Variants in MICAL3 observed in about 807,000 individuals in gnomAD.
MICAL3 encodes the protein [F-actin]-monooxygenase MICAL3.
MICAL3 carries 62 observed loss-of-function variants against 207.4 expected under a neutral mutation model. That is an observed-to-expected ratio of 0.30 (90% CI 0.24 to 0.37). The LOEUF (loss-of-function observed/expected upper bound fraction) is 0.37. MICAL3 is among the 10% of genes least tolerant of loss of function. The probability of loss-of-function intolerance (pLI) is 1.00; values close to 1 mark genes in which losing one functional copy is unlikely to be tolerated. For missense variants in MICAL3, 2,368 were observed against 2,635.6 expected, an observed-to-expected ratio of 0.90 and a Z score of 2.22; for synonymous variants, 1,077 against 1,069.3, an observed-to-expected ratio of 1.01 and a Z score of -0.14.
intron 19 of MICAL3, among the ~76,000 whole-genome samples, chr22:17,849,524 G>A (rs532031191): frequency 6.6e-6 from 1 of 151,386 alleles, no homozygotes; most frequent in Admixed American, 6.6e-5. Context: ...TTTTAGAAAC[G>A]GGGTCTTGCT....
chr22:17,841,790 C>CA lies in MICAL3; in HGVS notation c.2801+31_2801+32insT. 1 of 1,537,624 alleles carries CA rather than the reference C, an allele frequency of 6.5e-7. No individual in the cohort carries two copies. Among genetic ancestry groups the CA allele is most frequent in the Non-Finnish European group, 8.8e-7 (1 of 1,142,040 alleles). On this transcript the variant is annotated intron_variant, in intron 20 of 31. Coordinates refer to ENST00000441493, the MANE Select transcript of MICAL3 (RefSeq NM_015241.3). This position sits in a 1 kb window ranked among gnomAD's most constrained non-coding sequence, Gnocchi z 4.2. The stretch of plus-strand genomic sequence containing the variant: ...TGAGGAGGCTCTTAGGGCCGTGTGG[C>CA]GGGTGGGCGCCCTGCAGCCCTGCGT...
chr22:17,993,881 G>A (rs1218039695), intron 1 of MICAL3, among the ~76,000 whole-genome samples: 2 of 152,238 alleles, frequency 1.3e-5, no homozygotes, highest in Admixed American at 6.5e-5. Flanking sequence ...GCCCAAGTCA[G>A]TTGCCCTCAA....
At chr22:17,950,791 T>C (rs1934309826) in intron 1 of MICAL3, among the ~76,000 whole-genome samples, 1 of 152,020 alleles carries the variant, frequency 6.6e-6, no homozygotes, top group Non-Finnish European at 1.5e-5. Context: ...TGAAGAAGAG[T>C]CACACTCACG....
intron 16 of MICAL3, among the ~76,000 whole-genome samples, chr22:17,877,526 G>A (rs1333851515): frequency 3.0e-5 from 4 of 133,420 alleles, no homozygotes; most frequent in East Asian, 2.1e-4. Flanking sequence ...AGGTTAGGGA[G>A]GTGAGGGAGG....
intron 1 of MICAL3, among the ~76,000 whole-genome samples, chr22:17,908,004 T>A (rs1185254759): frequency 6.6e-6 from 1 of 152,192 alleles, no homozygotes; most frequent in African/African-American, 2.4e-5. Flanking sequence ...AGGTGGGAGA[T>A]GGCACCGCGT....
chr22:17,998,594 A>G (rs1922583807), intron 1 of MICAL3, among the ~76,000 whole-genome samples: 1 of 149,786 alleles, frequency 6.7e-6, no homozygotes, highest in Admixed American at 6.7e-5. Flanking sequence ...CTCGCTCTGT[A>G]TCCCAGGCTG....
At chr22:17,914,101 A>G (rs1037639245) in intron 1 of MICAL3, among the ~76,000 whole-genome samples, 14 of 152,234 alleles carry the variant, frequency 9.2e-5, no homozygotes, top group Non-Finnish European at 1.9e-4. Flanking sequence ...GTTTATCAAT[A>G]AACTCCAGCA....
At chr22:17,863,903 T>A in intron 19 of MICAL3, 3 of 985,432 alleles carry the variant, frequency 3.0e-6, no homozygotes, top group Non-Finnish European at 3.6e-6. Flanking sequence ...TTTTATGAGT[T>A]TTGTATATAG....
chr22:17,804,734 C>T (rs987540605), intron 29 of MICAL3, among the ~76,000 whole-genome samples: 3 of 152,178 alleles, frequency 2.0e-5, no homozygotes, highest in Admixed American at 2.0e-4. Flanking sequence ...CATGGTGTTG[C>T]CCTCTCTCCA....
intron 19 of MICAL3, among the ~76,000 whole-genome samples, chr22:17,855,405 CG>C (rs1925784096): frequency 6.6e-6 from 1 of 152,112 alleles, no homozygotes; most frequent in Non-Finnish European, 1.5e-5. Context: ...GCCTTTGAAA[CG>C]TATCAGAAAA....
intron 19 of MICAL3, among the ~76,000 whole-genome samples, chr22:17,859,332 AC>A (rs1362708616): frequency 9.2e-5 from 14 of 152,264 alleles, no homozygotes; most frequent in African/African-American, 3.1e-4. Context: ...ATGTGAGAAC[AC>A]CCAAGTGCCT....
At chr22:17,808,978 C>T in intron 28 of MICAL3, 41 bp from the exon 29 acceptor site, 1 of 1,508,366 alleles carries the variant, frequency 6.6e-7, no homozygotes, top group Non-Finnish European at 9.0e-7. Context: ...GCTCTCCAGC[C>T]CTGCTTCAGG....
intron 1 of MICAL3, chr22:18,001,211 G>A (rs1277601885): frequency 1.3e-5 from 2 of 152,018 alleles, no homozygotes; most frequent in East Asian, 1.9e-4. Context: ...GCGCCGCGGC[G>A]GCTCCCGGCT....
At chr22:17,871,683 T>C (rs561669445) in intron 17 of MICAL3, among the ~76,000 whole-genome samples, 154 bp downstream of exon 17, 1 of 150,008 alleles carries the variant, frequency 6.7e-6, no homozygotes, top group African/African-American at 2.5e-5. Context: ...AGAGAAAGAG[T>C]GATGGAGGGA....
chr22:17,939,369 C>T (rs1048704393), intron 1 of MICAL3, among the ~76,000 whole-genome samples: 5 of 152,192 alleles, frequency 3.3e-5, no homozygotes, highest in African/African-American at 4.8e-5. Context: ...GAGATTCAGC[C>T]GGCACCCAAC....
chr22:17,989,460 C>A (rs1921415661), intron 1 of MICAL3, among the ~76,000 whole-genome samples: 1 of 152,124 alleles, frequency 6.6e-6, no homozygotes, highest in Middle Eastern at 3.2e-3. Context: ...TATCTCCCAC[C>A]ACCCAGACAG....
chr22:17,830,207 A>G (rs1922650592), intron 21 of MICAL3, among the ~76,000 whole-genome samples: 1 of 152,092 alleles, frequency 6.6e-6, no homozygotes, highest in South Asian at 2.1e-4. Flanking sequence ...CCACAGCGCG[A>G]TCAAGCAGGG....
At chr22:17,831,809 C>T (rs1922841395) in intron 21 of MICAL3, 45 bp downstream of exon 21, 5 of 1,535,478 alleles carry the variant, frequency 3.3e-6, no homozygotes, top group East Asian at 2.4e-5. Flanking sequence ...AAACAGATCA[C>T]TTTGGGGGGC....
At chr22:17,908,591 G>A (rs1441557843) in intron 1 of MICAL3, among the ~76,000 whole-genome samples, 1 of 152,218 alleles carries the variant, frequency 6.6e-6, no homozygotes, top group Non-Finnish European at 1.5e-5. Context: ...ACAGGTGTGA[G>A]CCTGGCCAAG....
Sources: allele counts gnomAD v4.1 joint callset (sites outside exome capture counted in the v4.1 genomes callset), GRCh38; gene constraint gnomAD v4.1.1; non-coding constraint Gnocchi (gnomAD v3.1); transcripts MANE v1.5; gene names NCBI Gene and HGNC (gene_info 2026-07-23, HGNC 2026-07-21).